SORCS3: variants seen among roughly 807,000 people sequenced by gnomAD.
SORCS3 encodes VPS10 domain-containing receptor SorCS3.
In SORCS3, 57 loss-of-function variants were observed where a neutral mutation model predicts 146.3. The ratio of observed to expected loss-of-function variants is 0.39; its 90% CI spans 0.31 to 0.49. The LOEUF (loss-of-function observed/expected upper bound fraction) is 0.49. Ranked by LOEUF, SORCS3 falls within the 20% of genes least tolerant of loss-of-function variation. SORCS3 has a pLI of 0.92. For synonymous variants in SORCS3, 653 were observed against 618.5 expected, an observed-to-expected ratio of 1.06 and a Z score of -0.83; for missense variants, 1,341 against 1,575.5, an observed-to-expected ratio of 0.85 and a Z score of 2.52.
chr10:105,100,129 GT>G (rs1328001912), intron 6 of SORCS3, among the ~76,000 whole-genome samples: 1 of 152,210 alleles, frequency 6.6e-6, no homozygotes, highest in Non-Finnish European at 1.5e-5. Flanking sequence ...TGTAGAGCTA[GT>G]TTGAAATAGG....
At chr10:104,979,965 A>G (rs920251032) in intron 4 of SORCS3, among the ~76,000 whole-genome samples, 1 of 152,204 alleles carries the variant, frequency 6.6e-6, no homozygotes, top group Admixed American at 6.5e-5. Context: ...GAGGCAACAG[A>G]CTACTCATAC....
chr10:104,686,869 C>T (rs1290117225), intron 1 of SORCS3, among the ~76,000 whole-genome samples: 1 of 152,180 alleles, frequency 6.6e-6, no homozygotes, highest in Non-Finnish European at 1.5e-5. Context: ...ATCCATGCAT[C>T]CATCTGTCAG....
Position 105,263,595 on chromosome 10 carries a change from G to A in SORCS3, c.*221G>A, listed in dbSNP as rs544004799. ...TGGCTGTATTTGTGCTAAGAGCAAA[G>A]GATGCATCTTCCCACAGCCTCCTCG... On this transcript the variant is annotated 3_prime_UTR_variant, in exon 27 of 27. Transcript: ENST00000369701. 15 of 518,414 alleles carry A rather than the reference G, an allele frequency of 2.9e-5. No homozygotes were observed. The highest frequency in any genetic ancestry group is 2.3e-4 in the African/African-American group (12 of 52,110). The allele number at this position is 518,414 out of a possible 1,614,324, so 32.1% of individuals were successfully genotyped here. A position where few individuals can be genotyped will look rare whatever the true frequency, so the allele number is the denominator to read the frequency against.
chr10:104,765,149 C>G (rs1263357557), intron 1 of SORCS3, among the ~76,000 whole-genome samples: 1 of 152,110 alleles, frequency 6.6e-6, no homozygotes, highest in Non-Finnish European at 1.5e-5. Flanking sequence ...TCCTTTGGAC[C>G]CCGTGGAACC....
chr10:104,830,009 C>T (rs1564693186), intron 1 of SORCS3, among the ~76,000 whole-genome samples: 1 of 152,094 alleles, frequency 6.6e-6, no homozygotes, highest in Non-Finnish European at 1.5e-5. Flanking sequence ...AGGTTTTAAG[C>T]CCCACATGTA....
At chr10:105,046,628 G>C (rs980503643) in intron 5 of SORCS3, among the ~76,000 whole-genome samples, 1 of 152,086 alleles carries the variant, frequency 6.6e-6, no homozygotes, top group African/African-American at 2.4e-5. Flanking sequence ...CCTTCTTGTG[G>C]GTTAGGCAGA....
chr10:105,017,011 A>C (rs2055172149), intron 4 of SORCS3, among the ~76,000 whole-genome samples: 2 of 152,220 alleles, frequency 1.3e-5, no homozygotes, highest in African/African-American at 4.8e-5. Flanking sequence ...CATTTTTAAC[A>C]ATGACTTTGA....
Position 105,089,733 on chromosome 10 carries a change from C to T in SORCS3, c.1029-42C>T, listed in dbSNP as rs371726123. On this transcript the variant is annotated intron_variant, in intron 5 of 26. Transcript: ENST00000369701. ...TGCATCCCACTTTGCTGTCTGCTATCGGTGTTGTCACTGAGCTTCTGTCTC... is the reference window on the plus strand; with the variant it reads ...TGCATCCCACTTTGCTGTCTGCTATTGGTGTTGTCACTGAGCTTCTGTCTC... The T allele has an allele frequency of 4.9e-5, 75 of 1,544,166 alleles. No homozygotes were observed. The Middle Eastern group carries it at 1.7e-3, about 35-fold the overall frequency.
intron 20 of SORCS3, among the ~76,000 whole-genome samples, chr10:105,242,932 A>G (rs2056844272): frequency 6.1e-4 from 1 of 1,638 alleles, no homozygotes; most frequent in Non-Finnish European, 0.029. Context: ...ATGATATATA[A>G]ATTATATATA....
chr10:104,927,173 G>C (rs1201584378), intron 3 of SORCS3, among the ~76,000 whole-genome samples: 1 of 152,178 alleles, frequency 6.6e-6, no homozygotes, highest in Non-Finnish European at 1.5e-5. Flanking sequence ...ATGAAAACTT[G>C]AGAGTTAAGA....
chr10:104,698,002 A>C (rs1234367228), intron 1 of SORCS3, among the ~76,000 whole-genome samples: 1 of 152,148 alleles, frequency 6.6e-6, no homozygotes, highest in Admixed American at 6.6e-5. Flanking sequence ...TGCTTTATCA[A>C]AGAGTGACTT....
At chr10:104,840,717 A>G (rs1396649696) in intron 1 of SORCS3, among the ~76,000 whole-genome samples, 1 of 152,074 alleles carries the variant, frequency 6.6e-6, no homozygotes, top group African/African-American at 2.4e-5. Context: ...ATTAAGTGAA[A>G]CTCTTACCCT....
chr10:105,195,669 T>C lies in SORCS3; in HGVS notation c.2010-4330T>C, dbSNP rs150004616. ...GTCTATACAAAAGTGACCATGTGTC[T>C]GAGTCATGTATGCCCCATAGGAAAG... On this transcript the variant is annotated intron_variant, in intron 14 of 26. Transcript: ENST00000369701. Among the ~76,000 whole-genome samples the C allele has an allele frequency of 9.1e-3, 1,390 of 152,330 alleles. 25 individuals are homozygous for C. The highest frequency in any genetic ancestry group is 0.031 in the African/African-American group (1,297 of 41,574).
At chr10:104,689,900 G>A (rs138951706) in intron 1 of SORCS3, among the ~76,000 whole-genome samples, 1 of 152,316 alleles carries the variant, frequency 6.6e-6, no homozygotes, top group African/African-American at 2.4e-5. Flanking sequence ...CATCTTGTCT[G>A]TGGCTAACTG....
Position 105,105,099 on chromosome 10 carries a change from T to G in SORCS3, c.1094-298T>G, listed in dbSNP as rs996777862. 4.4e-4 allele frequency among the ~76,000 whole-genome samples: 67 copies of G among 152,314 alleles called. 1 individual carries two copies. Among genetic ancestry groups the G allele is most frequent in the South Asian group, 2.7e-3 (13 of 4,824 alleles). On this transcript the variant is annotated intron_variant, in intron 6 of 26. Coordinates refer to ENST00000369701, the MANE Select transcript of SORCS3 (RefSeq NM_014978.3). Reference sequence around the variant, plus strand: ...TCTCCTTGAATTAGAATTGCTGATGTAAGATATGTACCTTTAAAATTCTGA... The same window carrying G: ...TCTCCTTGAATTAGAATTGCTGATGGAAGATATGTACCTTTAAAATTCTGA...
At chr10:104,919,468 A>G (rs1364097310) in intron 3 of SORCS3, among the ~76,000 whole-genome samples, 1 of 152,056 alleles carries the variant, frequency 6.6e-6, no homozygotes, top group East Asian at 1.9e-4. Context: ...AGGTGGGCAG[A>G]TCACCTGAGG....
chr10:105,076,210 A>C (rs1271658938), intron 5 of SORCS3, among the ~76,000 whole-genome samples: 1 of 152,182 alleles, frequency 6.6e-6, no homozygotes, highest in Non-Finnish European at 1.5e-5. Context: ...ACAATTAATA[A>C]ATGTAGAGTT....
chr10:105,186,423 G>A (rs867249440), intron 14 of SORCS3, among the ~76,000 whole-genome samples: 4 of 152,136 alleles, frequency 2.6e-5, no homozygotes, highest in Admixed American at 6.5e-5. Context: ...TGTTGGACTC[G>A]ATGGCAAACT....
intron 1 of SORCS3, among the ~76,000 whole-genome samples, chr10:104,839,657 C>A (rs934425461): frequency 6.6e-6 from 1 of 152,108 alleles, no homozygotes; most frequent in African/African-American, 2.4e-5. Flanking sequence ...CAAGGAAGTG[C>A]ATGAATTAAG....
Sources: allele counts gnomAD v4.1 joint callset (sites outside exome capture counted in the v4.1 genomes callset), GRCh38; gene constraint gnomAD v4.1.1; transcripts MANE v1.5; gene names NCBI Gene and HGNC (gene_info 2026-07-23, HGNC 2026-07-21).